DLG1: variants seen among roughly 807,000 people sequenced by gnomAD.
DLG1 encodes the protein disks large homolog 1.
Under a neutral mutation model 123.4 loss-of-function variants are expected in DLG1, and 42 were observed. That is an observed-to-expected ratio of 0.34 (90% confidence interval 0.27 to 0.44). The LOEUF (loss-of-function observed/expected upper bound fraction) is 0.44. DLG1 is among the 20% of genes least tolerant of loss of function. DLG1 has a pLI of 1.00. For missense variants in DLG1, 942 were observed against 1,082.6 expected (o/e 0.87, Z 1.82); for synonymous variants, 317 against 356.2 (o/e 0.89, Z 1.24).
chr3:197,043,552 A>C lies in DLG1; in HGVS notation c.*1071T>G, dbSNP rs1038042773. 1 of 151,948 alleles carries C rather than the reference A, an allele frequency of 6.6e-6. No homozygotes were observed. Among genetic ancestry groups the C allele is most frequent in the Non-Finnish European group, 1.5e-5 (1 of 67,972 alleles). The allele number at this position is 151,948 out of a possible 1,614,324, so 9.4% of individuals were successfully genotyped here. On this transcript the variant is annotated 3_prime_UTR_variant, in exon 25 of 25. Transcript: ENST00000667157. ...AAACAAAAAGTTAGGAGTAGGTGGC[A>C]AAAGAAACAAAATATATTTTAAATA...
intron 4 of DLG1, among the ~76,000 whole-genome samples, chr3:197,277,066 A>AT (rs1185417638): frequency 3.3e-5 from 5 of 151,674 alleles, no homozygotes; most frequent in African/African-American, 7.3e-5. Flanking sequence ...TAATTTTTGC[A>AT]TTTTTTGTAG....
chr3:197,149,888 T>C, intron 5 of DLG1, 92 bp from the exon 6 acceptor site: 1 of 764,946 alleles, frequency 1.3e-6, no homozygotes, highest in Non-Finnish European at 2.3e-6. Flanking sequence ...GACTTGCTAT[T>C]TCTTAAGTTA....
intron 19 of DLG1, among the ~76,000 whole-genome samples, chr3:197,069,018 T>C (rs912049502): frequency 1.3e-5 from 2 of 152,118 alleles, no homozygotes; most frequent in Non-Finnish European, 2.9e-5. Context: ...ATTTTTATTT[T>C]ATTAAAATTT....
At chr3:197,178,449 A>G (rs964880611) in intron 5 of DLG1, among the ~76,000 whole-genome samples, 1 of 152,306 alleles carries the variant, frequency 6.6e-6, no homozygotes, top group South Asian at 2.1e-4. Flanking sequence ...TCTCTTTTTA[A>G]TATGTTACCT....
intron 4 of DLG1, among the ~76,000 whole-genome samples, chr3:197,203,443 C>G (rs1726881972): frequency 6.6e-6 from 1 of 151,684 alleles, no homozygotes; most frequent in Admixed American, 6.6e-5. Context: ...TAAAATTTAT[C>G]TAATAGCAAA....
intron 5 of DLG1, among the ~76,000 whole-genome samples, chr3:197,175,422 T>C (rs1238630838): frequency 1.3e-5 from 2 of 152,110 alleles, no homozygotes; most frequent in Non-Finnish European, 2.9e-5. Context: ...TATGTAAGAG[T>C]ATAAATGCTT....
At chr3:197,117,036 T>G (rs1339683786) in intron 12 of DLG1, among the ~76,000 whole-genome samples, 4 of 152,142 alleles carry the variant, frequency 2.6e-5, no homozygotes, top group African/African-American at 9.7e-5. Flanking sequence ...CAACAGTATT[T>G]CCAGGGGAAA....
At chr3:197,109,221 T>C (rs1449038683) in intron 13 of DLG1, among the ~76,000 whole-genome samples, 4 of 152,042 alleles carry the variant, frequency 2.6e-5, no homozygotes, top group African/African-American at 7.2e-5. Context: ...AAGAAAACAA[T>C]TCAGCCAGGT....
intron 3 of DLG1, among the ~76,000 whole-genome samples, chr3:197,289,774 T>C (rs1361874965): frequency 2.6e-5 from 4 of 152,228 alleles, no homozygotes; most frequent in African/African-American, 9.6e-5. Context: ...TTTTGACCCC[T>C]AGAAGAAAGA....
chr3:197,057,217 T>C lies in DLG1; in HGVS notation c.2483+2672A>G, dbSNP rs967348693. On this transcript the variant is annotated intron_variant, in intron 23 of 24. Coordinates refer to ENST00000667157, the MANE Select transcript of DLG1 (RefSeq NM_001366207.1). Reference sequence around the variant, plus strand: ...GCTTCGGCCTCCTAAGTAGCTGGGATTACAGGAATGCACCACCACATCCAG... The same window carrying C: ...GCTTCGGCCTCCTAAGTAGCTGGGACTACAGGAATGCACCACCACATCCAG... Among the ~76,000 whole-genome samples the C allele has an allele frequency of 2.6e-5, 4 of 152,020 alleles. No homozygotes were observed. The East Asian group carries it at 7.7e-4, about 29-fold the overall frequency.
chr3:197,159,978 G>A (rs1577267955), intron 5 of DLG1, among the ~76,000 whole-genome samples: 1 of 152,248 alleles, frequency 6.6e-6, no homozygotes, highest in East Asian at 1.9e-4. Context: ...CGTGCATTAA[G>A]CATCCTCTCC....
chr3:197,234,401 A>C (rs1279170529), intron 4 of DLG1, among the ~76,000 whole-genome samples: 1 of 152,218 alleles, frequency 6.6e-6, no homozygotes, highest in African/African-American at 2.4e-5. Flanking sequence ...CAAAAAGTAT[A>C]ATGGATGAAT....
chr3:197,092,283 TA>T (rs1034579371), intron 14 of DLG1, among the ~76,000 whole-genome samples: 113 of 152,348 alleles, frequency 7.4e-4, no homozygotes, highest in African/African-American at 2.6e-3. Flanking sequence ...TTTAGCGTTG[TA>T]TCTGCTTTCT....
chr3:197,111,777 T>C (rs1412151632), intron 13 of DLG1, among the ~76,000 whole-genome samples: 2 of 152,218 alleles, frequency 1.3e-5, no homozygotes, highest in East Asian at 1.9e-4. Context: ...ACTGGAATTA[T>C]ATAGATTGTA....
At position 197,127,428 on chromosome 3, in the gene DLG1, A is replaced by C. The variant is rs1301802700; in HGVS notation, c.1165+3099T>G. On this transcript the variant is annotated intron_variant, in intron 11 of 24. Coordinates refer to ENST00000667157, the MANE Select transcript of DLG1 (RefSeq NM_001366207.1). Reference sequence around the variant, plus strand: ...ACAGAGCGAGATTCTGTCTCCAAAAAAAAAAAAAAAAAAAAAAAAAAAAAA... The same window carrying C: ...ACAGAGCGAGATTCTGTCTCCAAAACAAAAAAAAAAAAAAAAAAAAAAAAA... 1.7e-4 allele frequency among the ~76,000 whole-genome samples: 7 copies of C among 40,720 alleles called. No individual in the cohort carries two copies. The East Asian group carries it at 2.3e-3, about 13-fold the overall frequency. The allele number at this position is 40,720 out of a possible 152,430, so 26.7% of individuals were successfully genotyped here.
At chr3:197,239,843 TAA>T (rs3035903) in intron 4 of DLG1, among the ~76,000 whole-genome samples, 2 of 133,948 alleles carry the variant, frequency 1.5e-5, no homozygotes. Context: ...ACAGAAAAGT[TAA>T]AAAAAAAAAA....
rs1219198847 is a variant in DLG1 at position 197,043,162 on chromosome 3, A to G, written c.*1461T>C. 1 of 152,218 alleles carries G rather than the reference A, an allele frequency of 6.6e-6. No homozygotes were observed. Among genetic ancestry groups the G allele is most frequent in the Non-Finnish European group, 1.5e-5 (1 of 68,044 alleles). 9.4% of individuals were successfully genotyped at this position (152,218 alleles called of 1,614,324 possible). On this transcript the variant is annotated 3_prime_UTR_variant, in exon 25 of 25. Transcript: ENST00000667157. ...TTCTACCTTTCACTAACATTTCTTA[A>G]AATTGCTCACCATGAAGATTTGTGC...
intron 18 of DLG1, among the ~76,000 whole-genome samples, chr3:197,072,680 T>TAAAAAAAAAAAAA (rs200686303): frequency 7.3e-6 from 1 of 136,586 alleles, no homozygotes; most frequent in Non-Finnish European, 1.6e-5. Flanking sequence ...ATGATTGTCT[T>TAAAAAAAAAAAAA]AAAAAAAAAA....
intron 4 of DLG1, among the ~76,000 whole-genome samples, chr3:197,259,176 A>G (rs889851449): frequency 1.3e-5 from 2 of 152,184 alleles, no homozygotes; most frequent in Non-Finnish European, 2.9e-5. Flanking sequence ...TAGAGAGGGA[A>G]AAAGCAACAA....
Sources: allele counts gnomAD v4.1 joint callset (sites outside exome capture counted in the v4.1 genomes callset), GRCh38; gene constraint gnomAD v4.1.1; transcripts MANE v1.5; gene names NCBI Gene and HGNC (gene_info 2026-07-23, HGNC 2026-07-21).